The following CTNNA2 variants were observed in gnomAD, a reference collection of about 807,000 sequenced individuals.
The protein encoded by CTNNA2 is catenin alpha-2.
A neutral mutation model predicts 101.0 loss-of-function variants in CTNNA2; 42 were observed. The ratio of observed to expected loss-of-function variants is 0.42; its 90% confidence interval spans 0.32 to 0.54. The LOEUF (loss-of-function observed/expected upper bound fraction) is 0.54. Ranked by LOEUF, CTNNA2 falls within the 20% of genes least tolerant of loss-of-function variation. The probability of loss-of-function intolerance (pLI) is 0.14; values close to 1 mark genes in which losing one functional copy is unlikely to be tolerated. For missense variants in CTNNA2, 871 were observed against 1,223.1 expected, an observed-to-expected ratio of 0.71 and a Z score of 4.29; for synonymous variants, 450 against 456.4, an observed-to-expected ratio of 0.99 and a Z score of 0.18.
At chr2:80,326,696 A>G (rs995974940) in intron 7 of CTNNA2, among the ~76,000 whole-genome samples, 1 of 152,180 alleles carries the variant, frequency 6.6e-6, no homozygotes, top group African/African-American at 2.4e-5. Context: ...AATAAGATGT[A>G]CCACAGAAAA....
chr2:80,368,774 CA>C (rs542151462), intron 7 of CTNNA2, among the ~76,000 whole-genome samples: 61 of 86,002 alleles, frequency 7.1e-4, no homozygotes, highest in East Asian at 1.0e-3. Context: ...CCATTTTTAG[CA>C]AAAAAAAAAA....
chr2:79,615,413 G>A (rs1678551081), intron 1 of CTNNA2, among the ~76,000 whole-genome samples: 1 of 152,030 alleles, frequency 6.6e-6, no homozygotes, highest in African/African-American at 2.4e-5. Flanking sequence ...CAAATTAAGA[G>A]TTTATAATAG....
chr2:79,254,011 A>G (rs1212430066), intron 2 of CTNNA2, among the ~76,000 whole-genome samples: 1 of 152,182 alleles, frequency 6.6e-6, no homozygotes, highest in Non-Finnish European at 1.5e-5. Context: ...GAACTTTCTA[A>G]TAATTAGAGT....
At chr2:79,348,504 G>A (rs6725564) in intron 3 of CTNNA2, among the ~76,000 whole-genome samples, 15,638 of 152,154 alleles carry the variant, frequency 0.1, 1,051 homozygotes, top group East Asian at 0.34. Context: ...TTCTGGGGGC[G>A]ATCTAGATGT....
At chr2:80,629,848 C>A (rs894686151) in intron 18 of CTNNA2, among the ~76,000 whole-genome samples, 1 of 152,122 alleles carries the variant, frequency 6.6e-6, no homozygotes, top group African/African-American at 2.4e-5. Context: ...CAAAATTACC[C>A]CTAGATGAGA....
chr2:79,215,367 G>C (rs1287802329), intron 2 of CTNNA2, among the ~76,000 whole-genome samples: 1 of 152,150 alleles, frequency 6.6e-6, no homozygotes, highest in Non-Finnish European at 1.5e-5. Flanking sequence ...GATGTGGCTG[G>C]GGTTTGTCTC....
intron 9 of CTNNA2, among the ~76,000 whole-genome samples, chr2:80,542,116 T>TAAAAAAA: frequency 6.7e-6 from 1 of 150,226 alleles, no homozygotes; most frequent in African/African-American, 2.5e-5. Context: ...TAGATTCTTT[T>TAAAAAAA]TAAAAAAAAA....
intron 6 of CTNNA2, among the ~76,000 whole-genome samples, chr2:79,897,260 G>T (rs1684779635): frequency 6.6e-6 from 1 of 151,696 alleles, no homozygotes; most frequent in African/African-American, 2.4e-5. Flanking sequence ...AGCCGTTGAA[G>T]GTTTGAGGCC....
chr2:79,339,968 T>A (rs957789254), intron 3 of CTNNA2: 1 of 152,220 alleles, frequency 6.6e-6, no homozygotes, highest in Admixed American at 6.5e-5. Flanking sequence ...AGTCTGCAGA[T>A]AGGCTTGCTT....
At chr2:79,839,665 T>C (rs1679656636) in intron 3 of CTNNA2, among the ~76,000 whole-genome samples, 1 of 151,908 alleles carries the variant, frequency 6.6e-6, no homozygotes, top group Non-Finnish European at 1.5e-5. Flanking sequence ...TATCTTCTAG[T>C]TTTTTTTCTT....
chr2:80,495,110 C>T (rs529494705), intron 9 of CTNNA2, among the ~76,000 whole-genome samples: 5 of 152,192 alleles, frequency 3.3e-5, no homozygotes, highest in Non-Finnish European at 7.3e-5. Flanking sequence ...AAAGTTTACT[C>T]ATAGGATAGT....
chr2:80,042,012 T>G (rs1696095868), intron 7 of CTNNA2, among the ~76,000 whole-genome samples: 1 of 152,232 alleles, frequency 6.6e-6, no homozygotes, highest in African/African-American at 2.4e-5. Flanking sequence ...TTGCCCAGGC[T>G]GGAGTGAAAT....
chr2:80,043,093 TTC>T lies in CTNNA2; in HGVS notation c.1056+133314_1056+133315del, dbSNP rs201701924. On this transcript the variant is annotated intron_variant, in intron 7 of 18. Transcript: ENST00000402739. ...TTTCTTTCTTTCTTTCTTTCTTTCTTTCTCTCTCTCTCTCTCTCTTTCTTTCT... is the reference window on the plus strand; with the variant it reads ...TTTCTTTCTTTCTTTCTTTCTTTCTTTCTCTCTCTCTCTCTCTTTCTTTCT... 4.7e-3 allele frequency among the ~76,000 whole-genome samples: 153 copies of T among 32,746 alleles called. 7 individuals are homozygous for T. Among genetic ancestry groups the T allele is most frequent in the African/African-American group, 0.013 (104 of 7,718 alleles). The allele number at this position is 32,746 out of a possible 152,430, so 21.5% of individuals were successfully genotyped here. A position where few individuals can be genotyped will look rare whatever the true frequency, so the allele number is the denominator to read the frequency against.
intron 4 of CTNNA2, among the ~76,000 whole-genome samples, chr2:79,446,715 A>C (rs1678837202): frequency 6.6e-6 from 1 of 152,044 alleles, no homozygotes; most frequent in Admixed American, 6.6e-5. Flanking sequence ...GAATAACTAG[A>C]TTGGAAAGGA....
intron 1 of CTNNA2, among the ~76,000 whole-genome samples, chr2:79,570,345 G>A (rs1171264185): frequency 6.6e-6 from 1 of 152,012 alleles, no homozygotes; most frequent in African/African-American, 2.4e-5. Context: ...TGTTTAGCAG[G>A]TGCCTAGAAA....
chr2:80,394,949 T>C (rs1390778968), intron 8 of CTNNA2, among the ~76,000 whole-genome samples: 1 of 149,176 alleles, frequency 6.7e-6, no homozygotes, highest in Non-Finnish European at 1.5e-5. Flanking sequence ...ATCTTCCTGA[T>C]CCCTTGGTCT....
chr2:79,457,830 C>T lies in CTNNA2; in HGVS notation c.-134-47224C>T, dbSNP rs187727062. Among the ~76,000 whole-genome samples, 916 of 152,256 alleles carry T rather than the reference C, an allele frequency of 6.0e-3. 6 individuals are homozygous for T. The highest frequency in any genetic ancestry group is 8.7e-3 in the Non-Finnish European group (593 of 68,016). The stretch of plus-strand genomic sequence containing the variant: ...TTGCTCACTCTCCCTCACTCTCTAC[C>T]TTCCCCTACCTCTCCTTTTACTCTC... On this transcript the variant is annotated intron_variant, in intron 4 of 21. Coordinates refer to the CTNNA2 transcript ENST00000466387.
intron 7 of CTNNA2, among the ~76,000 whole-genome samples, chr2:80,371,249 A>C (rs2149333387): frequency 6.6e-6 from 1 of 152,298 alleles, no homozygotes; most frequent in East Asian, 1.9e-4. Context: ...ATTACACAGC[A>C]AAAGCCATAT....
chr2:79,854,846 C>A (rs1681002560), intron 3 of CTNNA2, among the ~76,000 whole-genome samples: 1 of 152,190 alleles, frequency 6.6e-6, no homozygotes, highest in South Asian at 2.1e-4. Flanking sequence ...TTCCCTCTTA[C>A]ACATGCATAC....
Sources: gnomAD v4.1 joint callset for allele counts (sites outside exome capture counted in the v4.1 genomes callset) on GRCh38, gnomAD v4.1.1 for gene constraint, MANE v1.5 for transcripts, NCBI Gene and HGNC (gene_info 2026-07-23, HGNC 2026-07-21) for gene names.